IGSF21: variants seen among roughly 807,000 people sequenced by gnomAD.
IGSF21 encodes immunoglobulin superfamily member 21.
In IGSF21, 28 loss-of-function variants were observed where a neutral mutation model predicts 46.8. The ratio of observed to expected loss-of-function variants is 0.60; its 90% CI spans 0.44 to 0.82. IGSF21 has a LOEUF of 0.82. Among genes scored for constraint, IGSF21 ranks in the 40% least tolerant of loss-of-function variants. The pLI is 0.00. For synonymous variants in IGSF21, 284 were observed against 273.6 expected (o/e 1.04, Z -0.38); for missense variants, 624 against 665.5 (o/e 0.94, Z 0.69).
chr1:18,115,967 C>T (rs1170405397), intron 1 of IGSF21: 4 of 151,760 alleles, frequency 2.6e-5, no homozygotes, highest in Non-Finnish European at 5.9e-5. Flanking sequence ...TGTGCCAAAC[C>T]CTGTGCCAGA....
chr1:18,128,786 C>T lies in IGSF21; in HGVS notation c.70+20588C>T, dbSNP rs932508233. ...AGTTAGCCACTGTCTCTTGCTCATT[C>T]GCTGTGTGTGTGTGTGTGTGTGTGT... On this transcript the variant is annotated intron_variant, in intron 1 of 9. Coordinates refer to ENST00000251296, the MANE Select transcript of IGSF21 (RefSeq NM_032880.5). Among the ~76,000 whole-genome samples the T allele has an allele frequency of 9.2e-5, 9 of 98,104 alleles. No homozygotes were observed. In the Admixed American group the frequency reaches 1.1e-3, roughly 12 times the overall value. The allele number at this position is 98,104 out of a possible 152,430, so 64.4% of individuals were successfully genotyped here. A position where few individuals can be genotyped will look rare whatever the true frequency, so the allele number is the denominator to read the frequency against.
At chr1:18,294,768 G>A (rs1005084573) in intron 3 of IGSF21, among the ~76,000 whole-genome samples, 1 of 152,256 alleles carries the variant, frequency 6.6e-6, no homozygotes, top group Non-Finnish European at 1.5e-5. Flanking sequence ...CACCAAGGGA[G>A]AGGGAAGGAA....
chr1:18,275,982 G>T (rs941998340), intron 2 of IGSF21, among the ~76,000 whole-genome samples: 1 of 152,076 alleles, frequency 6.6e-6, no homozygotes. Context: ...TTTCTCCGCC[G>T]TGCCCATATC....
Position 18,332,447 on chromosome 1 carries a change from G to A in IGSF21, c.306-2445G>A, listed in dbSNP as rs560977426. ...ACCAAGTGCAAATTCTGCTCCTACT[G>A]TTTGTAAGCCATGGGGTCTTGGGTA... On this transcript the variant is annotated intron_variant, in intron 3 of 9. Transcript: ENST00000251296. Among the ~76,000 whole-genome samples the A allele has an allele frequency of 3.3e-5, 5 of 151,240 alleles. No individual in the cohort carries two copies. In the South Asian group the frequency reaches 1.1e-3, roughly 32 times the overall value.
At chr1:18,166,637 C>T (rs765492828) in intron 1 of IGSF21, among the ~76,000 whole-genome samples, 4 of 152,112 alleles carry the variant, frequency 2.6e-5, no homozygotes, top group Non-Finnish European at 5.9e-5. Flanking sequence ...AATAACAGCT[C>T]GTATTTATCA....
intron 2 of IGSF21, among the ~76,000 whole-genome samples, chr1:18,287,194 AAAAT>A (rs1553160829): frequency 8.0e-6 from 1 of 124,836 alleles, no homozygotes; most frequent in South Asian, 2.5e-4. Context: ...AAAAAAAAAT[AAAAT>A]AAATAAATAA....
At chr1:18,202,315 G>C (rs2087083709) in intron 1 of IGSF21, among the ~76,000 whole-genome samples, 1 of 152,114 alleles carries the variant, frequency 6.6e-6, no homozygotes, top group African/African-American at 2.4e-5. Context: ...GCAAACTCTG[G>C]GAGCCAAACT....
At chr1:18,263,071 A>T (rs1308599014) in intron 2 of IGSF21, among the ~76,000 whole-genome samples, 1 of 152,216 alleles carries the variant, frequency 6.6e-6, no homozygotes, top group Non-Finnish European at 1.5e-5. Flanking sequence ...GCAAGACAAA[A>T]TCAAGAATTT....
chr1:18,285,589 G>A (rs972803340), intron 2 of IGSF21, among the ~76,000 whole-genome samples: 2 of 152,142 alleles, frequency 1.3e-5, no homozygotes, highest in Non-Finnish European at 2.9e-5. Flanking sequence ...ACAACCTTTG[G>A]GACTTAGAAC....
chr1:18,182,576 C>T (rs1485010181), intron 1 of IGSF21, among the ~76,000 whole-genome samples: 5 of 152,202 alleles, frequency 3.3e-5, no homozygotes, highest in Non-Finnish European at 5.9e-5. Context: ...TGGTTCTTTT[C>T]CCTCCTGGCA....
intron 3 of IGSF21, among the ~76,000 whole-genome samples, chr1:18,328,026 C>T (rs2085674847): frequency 6.6e-6 from 1 of 152,142 alleles, no homozygotes; most frequent in African/African-American, 2.4e-5. Flanking sequence ...TGACCTTGAT[C>T]CTGGGACAGG....
intron 1 of IGSF21, among the ~76,000 whole-genome samples, chr1:18,156,939 A>G (rs901662375): frequency 1.1e-4 from 17 of 152,172 alleles, no homozygotes; most frequent in Non-Finnish European, 1.6e-4. Context: ...AGCTTGGCCA[A>G]TGTGGTGAAA....
chr1:18,372,822 T>TTGGATGGATGGA (rs562780101), intron 6 of IGSF21, among the ~76,000 whole-genome samples: 3 of 110,590 alleles, frequency 2.7e-5, no homozygotes, highest in African/African-American at 1.1e-4. Flanking sequence ...GGATGGATAT[T>TTGGATGGATGGA]TGGATGGATG....
intron 1 of IGSF21, among the ~76,000 whole-genome samples, chr1:18,174,142 G>A (rs1231243432): frequency 2.0e-5 from 3 of 152,116 alleles, no homozygotes; most frequent in South Asian, 2.1e-4. Flanking sequence ...GAATCACACC[G>A]CAAAGACAGA....
chr1:18,152,848 T>C (rs1408993129), intron 1 of IGSF21, among the ~76,000 whole-genome samples: 1 of 152,150 alleles, frequency 6.6e-6, no homozygotes, highest in Non-Finnish European at 1.5e-5. Flanking sequence ...GCTCTGCCAG[T>C]TAGTAGCTGT....
intron 2 of IGSF21, among the ~76,000 whole-genome samples, chr1:18,236,428 C>T (rs866097215): frequency 6.6e-6 from 1 of 152,200 alleles, no homozygotes; most frequent in African/African-American, 2.4e-5. Context: ...CCAGGTTTGT[C>T]TTTATTAGCA....
intron 2 of IGSF21, among the ~76,000 whole-genome samples, chr1:18,248,356 G>A (rs1305873896): frequency 2.6e-5 from 4 of 152,216 alleles, no homozygotes; most frequent in African/African-American, 9.6e-5. Flanking sequence ...CATAGCGGGG[G>A]CTTTGGGCAG....
chr1:18,280,910 G>T (rs1471163009), intron 2 of IGSF21, among the ~76,000 whole-genome samples: 1 of 152,168 alleles, frequency 6.6e-6, no homozygotes, highest in African/African-American at 2.4e-5. Flanking sequence ...TCTGGGCAGG[G>T]CCTGCCCTGG....
intron 4 of IGSF21, among the ~76,000 whole-genome samples, chr1:18,352,597 C>T (rs1365732431): frequency 2.6e-5 from 4 of 152,240 alleles, no homozygotes; most frequent in African/African-American, 4.8e-5. Flanking sequence ...TGGCCGCCCA[C>T]CACCCCTTTC....
Sources: allele counts gnomAD v4.1 joint callset (sites outside exome capture counted in the v4.1 genomes callset), GRCh38; gene constraint gnomAD v4.1.1; transcripts MANE v1.5; gene names NCBI Gene and HGNC (gene_info 2026-07-23, HGNC 2026-07-21).